The following FAM120A variants were observed in gnomAD, a reference collection of about 807,000 sequenced individuals.
FAM120A encodes constitutive coactivator of PPAR-gamma-like protein 1.
In FAM120A, 15 loss-of-function variants were observed where a neutral mutation model predicts 109.7. The ratio of observed to expected loss-of-function variants is 0.14; its 90% confidence interval spans 0.09 to 0.21. The LOEUF is 0.21. Among genes scored for constraint, FAM120A ranks in the 10% least tolerant of loss-of-function variants. The pLI is 1.00. For synonymous variants in FAM120A, 493 were observed against 572.8 expected (o/e 0.86, Z 1.99); for missense variants, 899 against 1,439.3 (o/e 0.62, Z 6.07).
At chr9:93,497,788 T>C (rs905953127) in intron 4 of FAM120A, among the ~76,000 whole-genome samples, 189 bp downstream of exon 4, 6 of 152,184 alleles carry the variant, frequency 3.9e-5, no homozygotes, top group African/African-American at 1.4e-4. Flanking sequence ...CCTGGTCATG[T>C]TCCCTGCCAG....
At chr9:93,540,217 A>G (rs996603616) in intron 10 of FAM120A, among the ~76,000 whole-genome samples, 2 of 152,168 alleles carry the variant, frequency 1.3e-5, no homozygotes. Context: ...CACACAGTAG[A>G]TGTTCCATAA....
In FAM120A at chr9:93,452,396, C is replaced by T; in HGVS notation, c.474+7C>T. The T allele has an allele frequency of 6.3e-7, 1 of 1,599,546 alleles. No homozygotes were observed. Among genetic ancestry groups the T allele is most frequent in the Non-Finnish European group, 8.5e-7 (1 of 1,173,940 alleles). On this transcript the variant is annotated splice_region_variant and intron_variant, in intron 1 of 17. Transcript: ENST00000277165. The surrounding 1 kb of genome is among the most constrained non-coding windows in gnomAD (Gnocchi z 7.0). Reference sequence around the variant, plus strand: ...CATCCGCTTCCACGTCAAGGTGAGGCCGGGGATCCGGGCGGGCCGGGGACC... The same window carrying T: ...CATCCGCTTCCACGTCAAGGTGAGGTCGGGGATCCGGGCGGGCCGGGGACC...
intron 2 of FAM120A, among the ~76,000 whole-genome samples, chr9:93,472,964 C>T (rs990338695): frequency 6.6e-6 from 1 of 152,052 alleles, no homozygotes; most frequent in Non-Finnish European, 1.5e-5. Context: ...AAACTGCCAG[C>T]CCATGGGCTG....
intron 2 of FAM120A, among the ~76,000 whole-genome samples, chr9:93,474,497 AC>A (rs1057300913): frequency 2.0e-5 from 3 of 151,876 alleles, no homozygotes; most frequent in African/African-American, 4.8e-5. Context: ...TAAGTATTTC[AC>A]CCCCCAATTT....
chr9:93,554,620 C>G (rs1464718587), intron 12 of FAM120A, among the ~76,000 whole-genome samples: 3 of 152,032 alleles, frequency 2.0e-5, no homozygotes, highest in African/African-American at 7.3e-5. Context: ...TTGCAGTGAG[C>G]CAAGATTGCA....
intron 1 of FAM120A, among the ~76,000 whole-genome samples, chr9:93,467,846 GC>G (rs1564310088): frequency 6.6e-6 from 1 of 151,916 alleles, no homozygotes; most frequent in Non-Finnish European, 1.5e-5. Context: ...ATTATGAAAA[GC>G]CCCACATGCC....
At chr9:93,463,826 A>G (rs1050026455) in intron 1 of FAM120A, among the ~76,000 whole-genome samples, 3 of 152,236 alleles carry the variant, frequency 2.0e-5, no homozygotes, top group Non-Finnish European at 2.9e-5. Context: ...AAATGTATGT[A>G]TGAGAACCCA....
intron 17 of FAM120A, among the ~76,000 whole-genome samples, chr9:93,563,202 G>C (rs1268179502): frequency 6.6e-6 from 1 of 152,176 alleles, no homozygotes; most frequent in Non-Finnish European, 1.5e-5. Flanking sequence ...AAATACCCTG[G>C]TTTTCAGAAT....
intron 5 of FAM120A, among the ~76,000 whole-genome samples, chr9:93,503,547 A>G (rs1859896730): frequency 6.6e-6 from 1 of 152,196 alleles, no homozygotes; most frequent in South Asian, 2.1e-4. Context: ...TGGAGGCAGG[A>G]AAAAGATCAA....
intron 7 of FAM120A, among the ~76,000 whole-genome samples, chr9:93,518,478 C>T (rs1860701279): frequency 6.6e-6 from 1 of 152,198 alleles, no homozygotes; most frequent in Non-Finnish European, 1.5e-5. Context: ...CCGGGACCTA[C>T]GTTGCCTTTT....
Position 93,452,700 on chromosome 9 carries a change from T to C in FAM120A, c.474+311T>C, listed in dbSNP as rs1268879431. ...GTGTCATCATCCCCAATATCCTTAGTTTTTCCCATCCTATTTGAGGCGGGC... is the reference window on the plus strand; with the variant it reads ...GTGTCATCATCCCCAATATCCTTAGCTTTTCCCATCCTATTTGAGGCGGGC... On this transcript the variant is annotated intron_variant, in intron 1 of 17. Coordinates refer to ENST00000277165, the MANE Select transcript of FAM120A (RefSeq NM_014612.5). This position sits in a 1 kb window ranked among gnomAD's most constrained non-coding sequence, Gnocchi z 7.0. 1.3e-6 allele frequency: 2 copies of C among 1,598,244 alleles called. No homozygotes were observed. The highest frequency in any genetic ancestry group is 2.7e-5 in the African/African-American group (2 of 74,924).
intron 1 of FAM120A, among the ~76,000 whole-genome samples, chr9:93,462,562 G>A (rs532168485): frequency 6.6e-6 from 1 of 152,324 alleles, no homozygotes; most frequent in South Asian, 2.1e-4. Flanking sequence ...GATTATAGGT[G>A]TGAGCCACCA....
At chr9:93,536,466 G>T (rs916989359) in intron 10 of FAM120A, among the ~76,000 whole-genome samples, 18 of 152,178 alleles carry the variant, frequency 1.2e-4, no homozygotes, top group African/African-American at 3.9e-4. Context: ...CCTGTTAATG[G>T]TCACTGTAAC....
chr9:93,564,343 G>C lies in FAM120A; in HGVS notation c.3160G>C (p.Val1054Leu). 1.9e-6 allele frequency: 3 copies of C among 1,614,232 alleles called. No individual in the cohort carries two copies. Among genetic ancestry groups the C allele is most frequent in the Non-Finnish European group, 1.7e-6 (2 of 1,180,038 alleles). ...AGACGGGTCCCTGGCTGAAAACGGA[G>C]TGATGGCCGAGGAGAAGCCGGCTCC... Reference protein sequence around the residue: ...SSDGSLAENGVMAEEKPAPQM... With the variant: ...SSDGSLAENGLMAEEKPAPQM... Residue 1054 changes from valine (V) to leucine (L), a missense_variant, in exon 18 of 18, where the codon GTG becomes CTG. Physicochemically the swap from Val to Leu is conservative, Grantham distance 32. Coordinates refer to ENST00000277165, the MANE Select transcript of FAM120A (RefSeq NM_014612.5).
intron 10 of FAM120A, among the ~76,000 whole-genome samples, chr9:93,541,108 G>C (rs1159046085): frequency 6.6e-6 from 1 of 151,596 alleles, no homozygotes; most frequent in Non-Finnish European, 1.5e-5. Context: ...TTTGTTGGGG[G>C]ATATGTTGTG....
intron 1 of FAM120A, among the ~76,000 whole-genome samples, chr9:93,462,837 G>T (rs1452056272): frequency 6.6e-6 from 1 of 152,162 alleles, no homozygotes; most frequent in Non-Finnish European, 1.5e-5. Flanking sequence ...ATGTCTTCAA[G>T]GTTCATACAT....
At chr9:93,473,545 A>G in intron 2 of FAM120A, among the ~76,000 whole-genome samples, 1 of 152,130 alleles carries the variant, frequency 6.6e-6, no homozygotes, top group East Asian at 1.9e-4. Context: ...TCCTGAGCTC[A>G]GGGCGATCCA....
chr9:93,559,788 G>A (rs1433761191), intron 15 of FAM120A, among the ~76,000 whole-genome samples: 1 of 152,216 alleles, frequency 6.6e-6, no homozygotes, highest in Non-Finnish European at 1.5e-5. Context: ...TATGGATAGT[G>A]TAGGGCAAGA....
intron 1 of FAM120A, among the ~76,000 whole-genome samples, chr9:93,469,098 G>A (rs1231132115): frequency 6.6e-6 from 1 of 152,222 alleles, no homozygotes; most frequent in Non-Finnish European, 1.5e-5. Flanking sequence ...CCCAGGGCCA[G>A]CCCCTCCTTT....
Sources: allele counts gnomAD v4.1 joint callset (sites outside exome capture counted in the v4.1 genomes callset), GRCh38; gene constraint gnomAD v4.1.1; non-coding constraint Gnocchi (gnomAD v3.1); transcripts MANE v1.5; gene names NCBI Gene and HGNC (gene_info 2026-07-23, HGNC 2026-07-21).